MARCHF1: variants seen among roughly 807,000 people sequenced by gnomAD.
MARCHF1 encodes membrane associated ring-CH-type finger 1.
In MARCHF1, 40 loss-of-function variants were observed where a neutral mutation model predicts 54.2. The ratio of observed to expected loss-of-function variants is 0.74; its 90% CI spans 0.57 to 0.96. The LOEUF is 0.96. MARCHF1 is among the 40% of genes least tolerant of loss of function. The pLI, the probability that MARCHF1 is intolerant of heterozygous loss-of-function variation, is 0.00. For missense variants in MARCHF1, 586 were observed against 656.5 expected (o/e 0.89, Z 1.17); for synonymous variants, 236 against 236.3 (o/e 1.00, Z 0.01).
At chr4:164,223,053 T>C (rs1408354062) in intron 1 of MARCHF1, among the ~76,000 whole-genome samples, 1 of 152,008 alleles carries the variant, frequency 6.6e-6, no homozygotes, top group East Asian at 1.9e-4. Context: ...CATCAGATTC[T>C]TGTGAGACTT....
intron 3 of MARCHF1, among the ~76,000 whole-genome samples, chr4:163,854,465 A>T (rs1749717261): frequency 1.3e-5 from 2 of 152,198 alleles, no homozygotes; most frequent in Non-Finnish European, 2.9e-5. Context: ...TGTTATTTTC[A>T]GAGATCAGCT....
chr4:163,791,725 C>T lies in MARCHF1; in HGVS notation c.111+62296G>A, dbSNP rs1191007375. Among the ~76,000 whole-genome samples, 8 of 152,226 alleles carry T rather than the reference C, an allele frequency of 5.3e-5. No homozygotes were observed. In the East Asian group the frequency reaches 1.4e-3, roughly 26 times the overall value. ...TATTGCATCTTCAGTTTGTTTCCTTCACCTGATTTCTTTCTAATTACCTAT... is the reference window on the plus strand; with the variant it reads ...TATTGCATCTTCAGTTTGTTTCCTTTACCTGATTTCTTTCTAATTACCTAT... On this transcript the variant is annotated intron_variant, in intron 4 of 9. Transcript: ENST00000514618.
At chr4:163,947,373 A>G (rs1752045072) in intron 3 of MARCHF1, among the ~76,000 whole-genome samples, 1 of 152,202 alleles carries the variant, frequency 6.6e-6, no homozygotes, top group African/African-American at 2.4e-5. Flanking sequence ...AAATTTGTGA[A>G]TATTATTCTT....
At chr4:163,894,114 T>C (rs1178601215) in intron 3 of MARCHF1, among the ~76,000 whole-genome samples, 1 of 152,186 alleles carries the variant, frequency 6.6e-6, no homozygotes, top group Non-Finnish European at 1.5e-5. Context: ...TACAAGGCCA[T>C]TGAAGCCTTA....
intron 8 of MARCHF1, among the ~76,000 whole-genome samples, chr4:163,558,369 T>C (rs1033471366): frequency 6.6e-6 from 1 of 152,188 alleles, no homozygotes; most frequent in African/African-American, 2.4e-5. Context: ...TGACCTCTTC[T>C]GAGTGAGGCA....
chr4:163,800,877 A>T (rs746042523), intron 4 of MARCHF1, among the ~76,000 whole-genome samples: 1 of 152,124 alleles, frequency 6.6e-6, no homozygotes, highest in Non-Finnish European at 1.5e-5. Context: ...TAAACTCCAG[A>T]GGACAAGGCC....
At chr4:164,239,651 C>T (rs940299724) in intron 1 of MARCHF1, among the ~76,000 whole-genome samples, 4 of 152,104 alleles carry the variant, frequency 2.6e-5, no homozygotes, top group African/African-American at 9.7e-5. Context: ...AAAATGTCTG[C>T]TTACCCATCT....
chr4:164,053,429 A>G (rs888989805), intron 2 of MARCHF1, among the ~76,000 whole-genome samples: 2 of 152,174 alleles, frequency 1.3e-5, no homozygotes, highest in South Asian at 4.1e-4. Context: ...AAAAGCCCTC[A>G]TACAGTCTGT....
chr4:164,073,765 C>A (rs1435877007), intron 2 of MARCHF1, among the ~76,000 whole-genome samples: 4 of 151,802 alleles, frequency 2.6e-5, no homozygotes, highest in Non-Finnish European at 4.4e-5. Context: ...ATGATGAATA[C>A]CCTATTTTAG....
At chr4:164,218,761 A>G (rs1001554273) in intron 1 of MARCHF1, among the ~76,000 whole-genome samples, 4 of 151,820 alleles carry the variant, frequency 2.6e-5, no homozygotes, top group Non-Finnish European at 5.9e-5. Context: ...ATGACGAGTT[A>G]ATGGGTGCAA....
At chr4:164,097,250 G>A (rs1453470851) in intron 2 of MARCHF1, among the ~76,000 whole-genome samples, 3 of 152,100 alleles carry the variant, frequency 2.0e-5, no homozygotes. Context: ...CACCAAAGAA[G>A]AGCTTCTATC....
At chr4:164,276,181 C>A (rs1463888246) in intron 1 of MARCHF1, among the ~76,000 whole-genome samples, 2 of 152,006 alleles carry the variant, frequency 1.3e-5, no homozygotes, top group Non-Finnish European at 2.9e-5. Context: ...ATTTGGTAAC[C>A]CTTAAATTAC....
chr4:163,610,723 C>T (rs1741310010), intron 7 of MARCHF1, among the ~76,000 whole-genome samples: 1 of 152,056 alleles, frequency 6.6e-6, no homozygotes, highest in Non-Finnish European at 1.5e-5. Flanking sequence ...AGGTAAATTA[C>T]ACGGTGACAG....
chr4:163,890,648 G>A (rs1750641549), intron 3 of MARCHF1, among the ~76,000 whole-genome samples: 1 of 152,112 alleles, frequency 6.6e-6, no homozygotes, highest in South Asian at 2.1e-4. Context: ...TTAGGACCAG[G>A]AGTGTTTCAG....
intron 8 of MARCHF1, among the ~76,000 whole-genome samples, chr4:163,547,912 T>C (rs1579050947): frequency 6.6e-6 from 1 of 152,230 alleles, no homozygotes; most frequent in East Asian, 1.9e-4. Flanking sequence ...TCTTGTACTT[T>C]GTTTTTTATC....
At chr4:163,763,218 C>T (rs1746878168) in intron 4 of MARCHF1, among the ~76,000 whole-genome samples, 2 of 152,004 alleles carry the variant, frequency 1.3e-5, no homozygotes, top group Non-Finnish European at 2.9e-5. Context: ...TAGCAAATCC[C>T]CTGGAGAGGT....
rs79655993 is a variant in MARCHF1 at position 163,580,384 on chromosome 4, A to C, written c.1191+5365T>G. 2.6e-4 allele frequency among the ~76,000 whole-genome samples: 39 copies of C among 152,168 alleles called. 1 individual carries two copies. In the East Asian group the frequency reaches 7.5e-3, roughly 29 times the overall value. On this transcript the variant is annotated intron_variant, in intron 8 of 9. Transcript: ENST00000514618. ...TGAGCCACCGCACCTGGCCCTGTAG[A>C]CACATTTTTATAAGCCCTAACTCTT...
intron 4 of MARCHF1, among the ~76,000 whole-genome samples, chr4:163,712,626 A>G (rs1032198765): frequency 6.6e-6 from 1 of 152,160 alleles, no homozygotes; most frequent in Non-Finnish European, 1.5e-5. Flanking sequence ...TGTCAGTAAT[A>G]TGTAAATAAA....
At chr4:164,350,808 G>C (rs949987826) in intron 1 of MARCHF1, among the ~76,000 whole-genome samples, 1 of 152,108 alleles carries the variant, frequency 6.6e-6, no homozygotes, top group African/African-American at 2.4e-5. Flanking sequence ...CCCAGCGTGA[G>C]CGACGCAGAA....
Sources: gnomAD v4.1 joint callset for allele counts (sites outside exome capture counted in the v4.1 genomes callset) on GRCh38, gnomAD v4.1.1 for gene constraint, MANE v1.5 for transcripts, NCBI Gene and HGNC (gene_info 2026-07-23, HGNC 2026-07-21) for gene names.